Variants in DMD observed in about 807,000 individuals in gnomAD.
DMD encodes the protein mutant dystrophin.
In DMD, 63 loss-of-function variants were observed where a neutral mutation model predicts 330.1. The ratio of observed to expected loss-of-function variants is 0.19; its 90% CI spans 0.16 to 0.24. The LOEUF is 0.24. Ranked by LOEUF, DMD falls within the 10% of genes least tolerant of loss-of-function variation. The pLI, the probability that DMD is intolerant of heterozygous loss-of-function variation, is 1.00. For missense variants in DMD, 3,344 were observed against 2,684.1 expected (o/e 1.25, Z -5.43); for synonymous variants, 1,223 against 959.8 (o/e 1.27, Z -5.07).
intron 7 of DMD, among the ~76,000 whole-genome samples, chrX:32,733,659 G>C (rs192460712): frequency 1.9e-4 from 21 of 111,591 alleles, no homozygotes; most frequent in Non-Finnish European, 3.8e-4. Context: ...CCTCCTGAAT[G>C]ACTACGGGGT....
chrX:32,255,490 C>A (rs752071609), intron 43 of DMD, among the ~76,000 whole-genome samples: 8 of 111,104 alleles, frequency 7.2e-5, no homozygotes, highest in African/African-American at 2.6e-4. Context: ...ACCATATGGC[C>A]CGCAAAGCCT....
At chrX:32,202,356 T>C (rs975029155) in intron 44 of DMD, among the ~76,000 whole-genome samples, 1 of 112,087 alleles carries the variant, frequency 8.9e-6, no homozygotes, top group Non-Finnish European at 1.9e-5. Context: ...CTTTATTTTC[T>C]TTTTTATTTC....
At chrX:33,009,705 C>T (rs1382200798) in intron 2 of DMD, among the ~76,000 whole-genome samples, 1 of 57,098 alleles carries the variant, frequency 1.8e-5, no homozygotes, top group African/African-American at 6.3e-5. Context: ...TGTGTGTATA[C>T]GTATATGTGT....
intron 18 of DMD, among the ~76,000 whole-genome samples, chrX:32,514,462 C>T (rs1459067952): frequency 8.9e-6 from 1 of 112,061 alleles, no homozygotes; most frequent in Non-Finnish European, 1.9e-5. Context: ...GTTGTTAGTG[C>T]CGGGCGCGGT....
chrX:33,071,970 C>G (rs994889886), intron 1 of DMD, among the ~76,000 whole-genome samples: 7 of 112,250 alleles, frequency 6.2e-5, no homozygotes, highest in Non-Finnish European at 1.3e-4. Context: ...AAAGCAAAGG[C>G]ACTGTCACAA....
intron 16 of DMD, among the ~76,000 whole-genome samples, chrX:32,548,381 A>C (rs1485981248): frequency 3.6e-5 from 4 of 111,871 alleles, no homozygotes; most frequent in Admixed American, 9.5e-5. Context: ...TCTCTCAGCT[A>C]GCATTTTAAC....
chrX:32,032,982 A>G (rs2095897745), intron 44 of DMD, among the ~76,000 whole-genome samples: 1 of 112,413 alleles, frequency 8.9e-6, no homozygotes. Flanking sequence ...ATGCAGAAAC[A>G]ACCTAAATGC....
chrX:32,470,894 A>T (rs912493816), intron 22 of DMD, among the ~76,000 whole-genome samples: 3 of 112,413 alleles, frequency 2.7e-5, no homozygotes, highest in African/African-American at 9.7e-5. Context: ...TAAAATGCAC[A>T]TATTATCTCA....
rs776758568 is a variant in DMD at position 31,513,321 on chromosome X, C to T, written c.8218-5868G>A. ...CTTCCTCTTTTCCTAATTGAATACCCTTTATTTCCTTCTCCTGCCTGATTG... is the reference window on the plus strand; with the variant it reads ...CTTCCTCTTTTCCTAATTGAATACCTTTTATTTCCTTCTCCTGCCTGATTG... On this transcript the variant is annotated intron_variant, in intron 55 of 78. Transcript: ENST00000357033. Among the ~76,000 whole-genome samples, 802 of 105,212 alleles carry T rather than the reference C, an allele frequency of 7.6e-3. 3 individuals carry two copies. The highest frequency in any genetic ancestry group is 0.026 in the African/African-American group (760 of 28,692). 91.4% of individuals were successfully genotyped at this position (105,212 alleles called of 115,157 possible). A position where few individuals can be genotyped will look rare whatever the true frequency, so the allele number is the denominator to read the frequency against.
At chrX:32,348,728 C>T (rs1331979251) in intron 37 of DMD, among the ~76,000 whole-genome samples, 200 bp from the exon 38 acceptor site, 2 of 111,385 alleles carry the variant, frequency 1.8e-5, no homozygotes, top group Non-Finnish European at 3.8e-5. Context: ...TTCACATCAC[C>T]AGAGCTGAAC....
chrX:32,452,826 A>T (rs2098339803), intron 26 of DMD, among the ~76,000 whole-genome samples: 1 of 111,287 alleles, frequency 9.0e-6, no homozygotes, highest in South Asian at 3.7e-4. Flanking sequence ...CCCGTTTGTT[A>T]ACAGATATTT....
chrX:31,771,335 C>T (rs1322041621), intron 51 of DMD, among the ~76,000 whole-genome samples: 1 of 109,268 alleles, frequency 9.2e-6, no homozygotes, highest in Admixed American at 9.9e-5. Context: ...ATTCAGCAAG[C>T]AAGAGAAGGG....
intron 61 of DMD, among the ~76,000 whole-genome samples, chrX:31,326,222 G>T (rs766118765): frequency 9.0e-6 from 1 of 110,856 alleles, no homozygotes; most frequent in East Asian, 2.8e-4. Flanking sequence ...GGTATCTAGA[G>T]TTGACTTTTT....
At chrX:31,557,211 C>T (rs1447341974) in intron 55 of DMD, among the ~76,000 whole-genome samples, 2 of 111,569 alleles carry the variant, frequency 1.8e-5, no homozygotes, top group Non-Finnish European at 3.8e-5. Flanking sequence ...GCAAAGAGCA[C>T]AGAGAAAGCC....
intron 44 of DMD, among the ~76,000 whole-genome samples, chrX:32,021,412 T>C (rs2095805150): frequency 8.9e-6 from 1 of 111,809 alleles, no homozygotes. Context: ...AAATTCAAGA[T>C]AATGGTTACT....
At chrX:32,711,676 A>G (rs1199003225) in intron 7 of DMD, among the ~76,000 whole-genome samples, 1 of 112,049 alleles carries the variant, frequency 8.9e-6, no homozygotes. Flanking sequence ...GTTAATAGTG[A>G]AAGTACCCCA....
chrX:32,223,671 A>G (rs778145848), intron 43 of DMD, among the ~76,000 whole-genome samples: 73 of 111,881 alleles, frequency 6.5e-4, no homozygotes, highest in African/African-American at 2.2e-3. Context: ...TTCTATTTAC[A>G]ATTCACAGAC....
intron 1 of DMD, among the ~76,000 whole-genome samples, chrX:33,288,881 C>A (rs1053145177): frequency 3.6e-5 from 4 of 111,131 alleles, no homozygotes; most frequent in African/African-American, 1.3e-4. Context: ...CATATGCCAA[C>A]TAACTTGCAC....
intron 2 of DMD, among the ~76,000 whole-genome samples, chrX:32,972,646 G>T (rs2092424092): frequency 8.9e-6 from 1 of 112,365 alleles, no homozygotes; most frequent in Admixed American, 9.5e-5. Flanking sequence ...CATAGCAAGA[G>T]TTTTGAGCAT....
Sources: gnomAD v4.1 joint callset for allele counts (sites outside exome capture counted in the v4.1 genomes callset) on GRCh38, gnomAD v4.1.1 for gene constraint, MANE v1.5 for transcripts, NCBI Gene and HGNC (gene_info 2026-07-23, HGNC 2026-07-21) for gene names.